CALN1: variants seen among roughly 807,000 people sequenced by gnomAD.
CALN1 encodes calcium-binding protein 8.
CALN1 carries 17 observed loss-of-function variants against 30.6 expected under a neutral mutation model. The ratio of observed to expected loss-of-function variants is 0.56; its 90% confidence interval spans 0.38 to 0.83. The LOEUF (loss-of-function observed/expected upper bound fraction) is 0.83. Among genes scored for constraint, CALN1 ranks in the 40% least tolerant of loss-of-function variants. The pLI, the probability that CALN1 is intolerant of heterozygous loss-of-function variation, is 0.00. For synonymous variants in CALN1, 156 were observed against 131.4 expected, an observed-to-expected ratio of 1.19 and a Z score of -1.28; for missense variants, 291 against 354.9, an observed-to-expected ratio of 0.82 and a Z score of 1.45.
intron 5 of CALN1, among the ~76,000 whole-genome samples, chr7:71,988,385 C>T (rs191420119): frequency 8.5e-5 from 13 of 152,216 alleles, no homozygotes; most frequent in Admixed American, 6.5e-4. Flanking sequence ...GGTGTGTGCG[C>T]GCATCCTGCC....
At chr7:72,010,805 C>CAAA (rs201289509) in intron 5 of CALN1, among the ~76,000 whole-genome samples, 1 of 97,072 alleles carries the variant, frequency 1.0e-5, no homozygotes, top group African/African-American at 3.3e-5. Context: ...GACCCTGTCT[C>CAAA]AAAAAAAAAA....
At chr7:72,447,503 G>T (rs1808565509), upstream of CALN1, among the ~76,000 whole-genome samples, 1 of 152,050 alleles carries the variant, frequency 6.6e-6, no homozygotes, top group South Asian at 2.1e-4. Context: ...GCTCCGTGGA[G>T]GCAGGGGGCA....
At chr7:71,980,178 CTTCT>C (rs1289661318) in intron 5 of CALN1, among the ~76,000 whole-genome samples, 23 of 136,326 alleles carry the variant, frequency 1.7e-4, no homozygotes, top group Non-Finnish European at 3.1e-4. Flanking sequence ...TGCCTGGCCT[CTTCT>C]TTTTCTTTTT....
chr7:72,130,287 A>T (rs1002124354), intron 3 of CALN1, among the ~76,000 whole-genome samples: 1 of 152,198 alleles, frequency 6.6e-6, no homozygotes, highest in African/African-American at 2.4e-5. Context: ...ATGGACTAAG[A>T]GCTGTTAAAA....
At chr7:71,897,972 C>CA (rs1207497270) in intron 5 of CALN1, among the ~76,000 whole-genome samples, 3,535 of 58,942 alleles carry the variant, frequency 0.06, 130 homozygotes, top group Non-Finnish European at 0.082. Flanking sequence ...AAACAAAAAA[C>CA]AAAAAAAAAA....
chr7:72,313,143 A>G (rs889760527), intron 2 of CALN1, among the ~76,000 whole-genome samples: 1 of 152,094 alleles, frequency 6.6e-6, no homozygotes, highest in African/African-American at 2.4e-5. Flanking sequence ...CCAATCATAA[A>G]GTTACTAAAA....
the CALN1 span, among the ~76,000 whole-genome samples, chr7:72,502,065 T>C: frequency 6.7e-6 from 1 of 148,456 alleles, no homozygotes; most frequent in Non-Finnish European, 1.5e-5. Flanking sequence ...TTAATTATTA[T>C]TGTTTCTTTG....
At chr7:72,220,747 A>C (rs983677562) in intron 3 of CALN1, among the ~76,000 whole-genome samples, 10 of 152,122 alleles carry the variant, frequency 6.6e-5, no homozygotes, top group Non-Finnish European at 1.2e-4. Flanking sequence ...AACTGGTGTG[A>C]GATGGCATCT....
In CALN1 at chr7:72,326,862, C is replaced by G. The variant is rs115490484; in HGVS notation, c.120-48052G>C. Among the ~76,000 whole-genome samples the G allele has an allele frequency of 4.7e-3, 722 of 152,298 alleles. 3 individuals are homozygous for G. Among genetic ancestry groups the G allele is most frequent in the African/African-American group, 0.017 (689 of 41,560 alleles). On this transcript the variant is annotated intron_variant, in intron 2 of 6. Transcript: ENST00000395275. ...ACAGTGCACATGTCACTCAGTCTCT[C>G]TGACTGAGTCTCCCCATCTGTCAAA... is the stretch of plus-strand genomic sequence containing the variant.
chr7:72,243,373 AT>A (rs1271963277), intron 3 of CALN1, among the ~76,000 whole-genome samples: 2 of 152,234 alleles, frequency 1.3e-5, no homozygotes, highest in Non-Finnish European at 2.9e-5. Context: ...AACTGATGGC[AT>A]TTCTATAGCA....
At chr7:72,283,616 G>A (rs958064246) in intron 2 of CALN1, among the ~76,000 whole-genome samples, 1 of 152,200 alleles carries the variant, frequency 6.6e-6, no homozygotes, top group Non-Finnish European at 1.5e-5. Context: ...ATTTGCTAAG[G>A]ATCATATGAA....
intron 3 of CALN1, among the ~76,000 whole-genome samples, chr7:72,171,348 G>A (rs919216263): frequency 3.9e-5 from 6 of 152,108 alleles, no homozygotes; most frequent in Non-Finnish European, 7.4e-5. Flanking sequence ...TGTGTAGCCA[G>A]GTGTGGTGGT....
intron 4 of CALN1, among the ~76,000 whole-genome samples, chr7:72,098,202 A>G (rs1386883272): frequency 6.6e-6 from 1 of 152,180 alleles, no homozygotes; most frequent in African/African-American, 2.4e-5. Flanking sequence ...CCCCCAAAAA[A>G]GGCATCCAGG....
intron 2 of CALN1, among the ~76,000 whole-genome samples, chr7:72,370,194 A>T (rs1261489817): frequency 6.6e-6 from 1 of 152,146 alleles, no homozygotes; most frequent in African/African-American, 2.4e-5. Context: ...TGTAGTTCTC[A>T]TTTACATTTC....
intron 3 of CALN1, among the ~76,000 whole-genome samples, chr7:72,240,257 T>C (rs1794743144): frequency 6.6e-6 from 1 of 150,986 alleles, no homozygotes; most frequent in South Asian, 2.1e-4. Flanking sequence ...CGCAGTAGAG[T>C]GATCATAGCT....
At chr7:71,978,101 C>T (rs1467202532) in intron 5 of CALN1, among the ~76,000 whole-genome samples, 3 of 151,598 alleles carry the variant, frequency 2.0e-5, no homozygotes, top group African/African-American at 7.3e-5. Flanking sequence ...CGTCTGGGAG[C>T]TTCCCCACCA....
At chr7:72,312,838 ATTTT>A (rs35536629) in intron 2 of CALN1, among the ~76,000 whole-genome samples, 1 of 149,054 alleles carries the variant, frequency 6.7e-6, no homozygotes, top group Non-Finnish European at 1.5e-5. Flanking sequence ...CCCTATCATA[ATTTT>A]TTTTTTTTGA....
intron 5 of CALN1, among the ~76,000 whole-genome samples, chr7:71,812,585 T>A (rs1382565961): frequency 1.3e-5 from 2 of 152,138 alleles, no homozygotes; most frequent in African/African-American, 4.8e-5. Flanking sequence ...AAGAAAGAGA[T>A]GAGCTCAGGA....
chr7:72,427,531 T>C (rs569314144), intron 1 of CALN1, among the ~76,000 whole-genome samples: 1 of 152,332 alleles, frequency 6.6e-6, no homozygotes, highest in Admixed American at 6.5e-5. Flanking sequence ...AATGTCCTTT[T>C]GTTTTCTTCT....
Sources: gnomAD v4.1 joint callset for allele counts (sites outside exome capture counted in the v4.1 genomes callset) on GRCh38, gnomAD v4.1.1 for gene constraint, MANE v1.5 for transcripts, NCBI Gene and HGNC (gene_info 2026-07-23, HGNC 2026-07-21) for gene names.